The following DST variants were observed in gnomAD, a reference collection of about 807,000 sequenced individuals.
DST encodes the protein bullous pemphigoid antigen.
Under a neutral mutation model 875.2 loss-of-function variants are expected in DST, and 253 were observed. The ratio of observed to expected loss-of-function variants is 0.29; its 90% CI spans 0.26 to 0.32. The LOEUF is 0.32. Among genes scored for constraint, DST ranks in the 10% least tolerant of loss-of-function variants. DST has a pLI of 1.00. For missense variants in DST, 8,287 were observed against 9,111.6 expected (o/e 0.91, Z 3.68); for synonymous variants, 3,124 against 3,197.1 (o/e 0.98, Z 0.77).
intron 2 of DST, among the ~76,000 whole-genome samples, chr6:56,927,489 A>G (rs1204892144): frequency 6.6e-6 from 1 of 152,192 alleles, no homozygotes; most frequent in Non-Finnish European, 1.5e-5. Flanking sequence ...TATAAATATT[A>G]ATACAAAAAT....
chr6:56,661,851 G>A (rs778825389), intron 10 of DST, among the ~76,000 whole-genome samples: 2 of 152,166 alleles, frequency 1.3e-5, no homozygotes, highest in South Asian at 4.1e-4. Context: ...GCCTCCCAAA[G>A]TGCTGGGATT....
chr6:56,498,712 A>C (rs1273400734), intron 80 of DST, among the ~76,000 whole-genome samples: 1 of 152,204 alleles, frequency 6.6e-6, no homozygotes, highest in African/African-American at 2.4e-5. Context: ...TTTTACAATC[A>C]GCATTCTGAA....
intron 2 of DST, among the ~76,000 whole-genome samples, chr6:56,910,004 G>C (rs1025447241): frequency 6.6e-6 from 1 of 152,198 alleles, no homozygotes; most frequent in Non-Finnish European, 1.5e-5. Context: ...TGTTTTCAGA[G>C]AGAATGTATT....
At chr6:56,683,667 A>G (rs963777981) in intron 9 of DST, among the ~76,000 whole-genome samples, 1 of 152,234 alleles carries the variant, frequency 6.6e-6, no homozygotes, top group African/African-American at 2.4e-5. Context: ...AAAGACAGAA[A>G]AAGTATGAAA....
intron 49 of DST, among the ~76,000 whole-genome samples, chr6:56,580,258 G>T (rs945174871): frequency 2.0e-5 from 3 of 152,118 alleles, no homozygotes; most frequent in African/African-American, 7.2e-5. Flanking sequence ...TATAAGTAAA[G>T]TATTTCCAGC....
At chr6:56,478,036 T>C (rs1387026075) in intron 90 of DST, among the ~76,000 whole-genome samples, 1 of 148,634 alleles carries the variant, frequency 6.7e-6, no homozygotes, top group Non-Finnish European at 1.5e-5. Flanking sequence ...GGATATTTCA[T>C]GCTTCAAAAA....
At position 56,621,191 on chromosome 6, in the gene DST, T is replaced by C. The variant is rs141367785; in HGVS notation, c.4929+3339A>G. Among the ~76,000 whole-genome samples the C allele has an allele frequency of 8.0e-4, 122 of 152,268 alleles. No homozygotes were observed. The East Asian group carries it at 0.019, about 23-fold the overall frequency. Reference sequence around the variant, plus strand: ...AACCAAATGATGCTAAAGAATTTAGTTTTCTAACCTAATAGAAATTAAAAA... The same window carrying C: ...AACCAAATGATGCTAAAGAATTTAGCTTTCTAACCTAATAGAAATTAAAAA... On this transcript the variant is annotated intron_variant, in intron 36 of 103. Transcript: ENST00000680361.
intron 28 of DST, 58 bp downstream of exon 28, chr6:56,632,796 A>C (rs926020763): frequency 1.3e-6 from 2 of 1,488,146 alleles, no homozygotes; most frequent in African/African-American, 2.8e-5. Context: ...TTGAGAGCAA[A>C]AAATAGCCAG....
Position 56,552,890 on chromosome 6 carries a change from G to C in DST, c.15902C>G (p.Ser5301Trp), listed in dbSNP as rs112177059. The C allele has an allele frequency of 6.2e-7, 1 of 1,613,932 alleles. No homozygotes were observed. The highest frequency in any genetic ancestry group is 1.1e-5 in the South Asian group (1 of 91,072). ...CAKEQLDIHD[S>W]LGSQAYSNKY... is the part of the protein sequence containing the mutation. ...GTTACTGTAAGCCTGGGATCCCAGC[G>C]AATCATGGATATCTAGCTGCTCCTT... The change falls in exon 61 of 104, where the codon TCG becomes TGG. Residue 5301 changes from serine to tryptophan, a missense_variant. Around this residue, in one of 10 missense-constraint regions of DST, gnomAD observed 1,513 missense variants for 1,677.8 expected, o/e 0.90. Transcript: ENST00000680361.
At chr6:56,775,292 A>C (rs2099676714) in intron 4 of DST, among the ~76,000 whole-genome samples, 1 of 152,206 alleles carries the variant, frequency 6.6e-6, no homozygotes, top group Non-Finnish European at 1.5e-5. Context: ...GCACACCTGC[A>C]TCCATAGCCA....
chr6:56,954,412 C>T lies in DST; in HGVS notation c.176G>A (p.Ser59Asn). ...MKSVFSGRSR[S>N]RDAVLRSHHF... ...CCCGTCGCGGCGTGTCTTACCTCGG[C>T]TTCTTGAACGACCCGAGAAGACCGA... is the stretch of plus-strand genomic sequence containing the variant. The change falls in exon 1 of 104, where the codon AGC (serine) becomes AAC (asparagine). Residue 59 changes from serine to asparagine, a missense_variant. Around this residue, in one of 10 missense-constraint regions of DST, gnomAD observed 1,160 missense variants for 1,424.3 expected, o/e 0.81. Coordinates refer to ENST00000680361, the MANE Select transcript of DST (RefSeq NM_001374736.1). 1 of 1,366,726 alleles carries T rather than the reference C, an allele frequency of 7.3e-7. No homozygotes were observed. The highest frequency in any genetic ancestry group is 9.8e-7 in the Non-Finnish European group (1 of 1,021,460). The allele number at this position is 1,366,726 out of a possible 1,614,324, so 84.7% of individuals were successfully genotyped here.
At position 56,618,569 on chromosome 6, in the gene DST, G is replaced by T. The variant is rs568934342; in HGVS notation, c.4930-4085C>A. The T allele has an allele frequency of 3.7e-6, 6 of 1,614,044 alleles. No individual in the cohort carries two copies. The East Asian group carries it at 8.9e-5, about 24-fold the overall frequency. On this transcript the variant is annotated intron_variant, in intron 36 of 103. Coordinates refer to ENST00000680361, the MANE Select transcript of DST (RefSeq NM_001374736.1). ...TTTCTGACATTTTTGGTAATGATTT[G>T]CTTCCATGTGCTGCCCTTGCTGCAT... is the stretch of plus-strand genomic sequence containing the variant.
intron 61 of DST, among the ~76,000 whole-genome samples, chr6:56,538,504 G>A (rs2097059348): frequency 6.6e-6 from 1 of 152,054 alleles, no homozygotes; most frequent in Non-Finnish European, 1.5e-5. Context: ...TAGCACTTCA[G>A]GAAAAAAATT....
At chr6:56,784,356 G>T (rs1229317767) in intron 4 of DST, among the ~76,000 whole-genome samples, 2 of 152,180 alleles carry the variant, frequency 1.3e-5, no homozygotes, top group Non-Finnish European at 2.9e-5. Flanking sequence ...TCACTTTCAG[G>T]TACACTGATC....
intron 44 of DST, 133 bp from the exon 45 acceptor site, chr6:56,600,354 G>C: frequency 1.3e-6 from 1 of 783,426 alleles, no homozygotes; most frequent in African/African-American, 1.7e-5. Flanking sequence ...AAACATGATA[G>C]CAGTAGGGTA....
chr6:56,589,891 G>T lies in DST; in HGVS notation c.12903+2291C>A, dbSNP rs73746920. Among the ~76,000 whole-genome samples the T allele has an allele frequency of 2.3e-3, 344 of 152,330 alleles. 2 individuals are homozygous for T. Among genetic ancestry groups the T allele is most frequent in the African/African-American group, 8.0e-3 (331 of 41,590 alleles). ...TGGATGCCCCAAAAATTACATTTAT[G>T]ATTCATCAGAATATAAGTAGAAGAT... On this transcript the variant is annotated intron_variant, in intron 49 of 103. Coordinates refer to ENST00000680361, the MANE Select transcript of DST (RefSeq NM_001374736.1).
intron 9 of DST, among the ~76,000 whole-genome samples, chr6:56,671,514 T>C (rs1460894187): frequency 6.6e-6 from 1 of 152,206 alleles, no homozygotes; most frequent in Non-Finnish European, 1.5e-5. Context: ...CTGTATTTTG[T>C]TTTCATGAAG....
At position 56,609,190 on chromosome 6, in the gene DST, C is replaced by G. The variant is rs767675181; in HGVS notation, c.5438G>C (p.Arg1813Thr). 6.2e-7 allele frequency: 1 copy of G among 1,613,816 alleles called. No individual in the cohort carries two copies. The highest frequency in any genetic ancestry group is 8.5e-7 in the Non-Finnish European group (1 of 1,179,766). ...GGCATCTTTAAGGTCAAAGCACTTT[C>G]TTAATTCTGGTGAAATTAGACCAGA... ...MISGLISPEL[R>T]KCFDLKDAKS... The change falls in exon 40 of 104, where the codon AGA (arginine) becomes ACA (threonine). Residue 1813 changes from arginine (R) to threonine (T), a missense_variant. Physicochemically the swap from Arg to Thr is moderately conservative, Grantham distance 71. Coordinates refer to ENST00000680361, the MANE Select transcript of DST (RefSeq NM_001374736.1).
In DST at chr6:56,605,753, T is replaced by C. The variant is rs13194995; in HGVS notation, c.8875A>G (p.Thr2959Ala). The C allele has an allele frequency of 5.0e-6, 8 of 1,612,408 alleles. No individual in the cohort carries two copies. Among genetic ancestry groups the C allele is most frequent in the Non-Finnish European group, 6.8e-6 (8 of 1,179,138 alleles). The change falls in exon 40 of 104, where the codon ACA (threonine) becomes GCA (alanine). Residue 2959 changes from threonine to alanine, a missense_variant. Thr to Ala is a moderately conservative substitution (Grantham distance 58). This residue lies in a region of DST where 3,138 missense variants were observed against 3,116.6 expected (regional missense o/e 1.01). Coordinates refer to ENST00000680361, the MANE Select transcript of DST (RefSeq NM_001374736.1). ...GACCCTTGAATCAACTTAACCTTTG[T>C]GTTTGCTAGATCAGTACCTAATTCA... ...TSELGTDLAN[T>A]KVKLIQGSEL...
Sources: allele counts gnomAD v4.1 joint callset (sites outside exome capture counted in the v4.1 genomes callset), GRCh38; gene constraint gnomAD v4.1.1; regional missense constraint gnomAD v4.1.1; transcripts MANE v1.5; gene names NCBI Gene and HGNC (gene_info 2026-07-23, HGNC 2026-07-21).